Variants in ZNF521 observed in about 807,000 individuals in gnomAD.
ZNF521 encodes the protein LYST-interacting protein 3.
Under a neutral mutation model 105.5 loss-of-function variants are expected in ZNF521, and 14 were observed. That is an observed-to-expected ratio of 0.13 (90% CI 0.09 to 0.21). ZNF521 has a LOEUF of 0.21. Ranked by LOEUF, ZNF521 falls within the 10% of genes least tolerant of loss-of-function variation. The probability of loss-of-function intolerance (pLI) is 1.00; values close to 1 mark genes in which losing one functional copy is unlikely to be tolerated. For missense variants in ZNF521, 1,233 were observed against 1,629.7 expected (o/e 0.76, Z 4.19); for synonymous variants, 635 against 606.0 (o/e 1.05, Z -0.70).
intron 3 of ZNF521, among the ~76,000 whole-genome samples, chr18:25,262,826 T>C (rs535850564): frequency 5.5e-4 from 84 of 152,216 alleles, no homozygotes; most frequent in African/African-American, 2.0e-3. Context: ...CTGGGATGGT[T>C]TGAGCAGCTG....
At chr18:25,249,707 T>C (rs1907982121) in intron 3 of ZNF521, among the ~76,000 whole-genome samples, 1 of 151,508 alleles carries the variant, frequency 6.6e-6, no homozygotes, top group African/African-American at 2.4e-5. Flanking sequence ...AGTGATCTGC[T>C]CACCTCACAC....
At chr18:25,240,273 C>CA (rs1391392677) in intron 3 of ZNF521, among the ~76,000 whole-genome samples, 2 of 152,138 alleles carry the variant, frequency 1.3e-5, no homozygotes, top group Admixed American at 6.6e-5. Flanking sequence ...ACACTGACGT[C>CA]ACATGAGGCA....
chr18:25,116,871 GTA>G (rs55759335), intron 5 of ZNF521, among the ~76,000 whole-genome samples: 101,808 of 138,356 alleles, frequency 0.74, 38,285 homozygotes, highest in South Asian at 0.86. Context: ...ATATATATAC[GTA>G]TATATATATA....
intron 5 of ZNF521, among the ~76,000 whole-genome samples, chr18:25,145,134 C>T (rs4423505): frequency 0.65 from 98,207 of 152,018 alleles, 31,979 homozygotes; most frequent in Middle Eastern, 0.74. Flanking sequence ...TGAAGCTAAC[C>T]TTGACTTTTG....
At chr18:25,165,417 G>C (rs1050835987) in intron 5 of ZNF521, among the ~76,000 whole-genome samples, 4 of 152,180 alleles carry the variant, frequency 2.6e-5, no homozygotes, top group Non-Finnish European at 5.9e-5. Context: ...CACACTGTTT[G>C]CGCTGTTGGA....
intron 3 of ZNF521, among the ~76,000 whole-genome samples, chr18:25,249,621 C>T (rs1907972548): frequency 6.6e-6 from 1 of 152,042 alleles, no homozygotes; most frequent in Admixed American, 6.6e-5. Context: ...GCCACCATGC[C>T]CAGCTAATTT....
intron 2 of ZNF521, among the ~76,000 whole-genome samples, chr18:25,331,411 C>T (rs1050921391): frequency 1.3e-5 from 2 of 152,080 alleles, no homozygotes; most frequent in Non-Finnish European, 2.9e-5. Flanking sequence ...CTGAAAACTG[C>T]TTCTCAGACA....
intron 5 of ZNF521, among the ~76,000 whole-genome samples, chr18:25,116,914 T>TATATATACAC (rs1567968534): frequency 7.3e-6 from 1 of 137,136 alleles, no homozygotes; most frequent in Non-Finnish European, 1.5e-5. Flanking sequence ...TATATATACG[T>TATATATACAC]ATATCTATGT....
At chr18:25,096,842 C>G (rs563264032) in intron 5 of ZNF521, among the ~76,000 whole-genome samples, 2 of 152,300 alleles carry the variant, frequency 1.3e-5, no homozygotes, top group Non-Finnish European at 2.9e-5. Context: ...CCTGCTATAT[C>G]ACCATGTGGC....
chr18:25,214,800 G>C (rs908983064), intron 4 of ZNF521, among the ~76,000 whole-genome samples: 1 of 152,158 alleles, frequency 6.6e-6, no homozygotes, highest in African/African-American at 2.4e-5. Context: ...GACCAGCTGA[G>C]ATTTAATATA....
intron 3 of ZNF521, among the ~76,000 whole-genome samples, chr18:25,278,632 GTTGT>G (rs1352052097): frequency 4.6e-5 from 7 of 152,124 alleles, no homozygotes; most frequent in African/African-American, 1.4e-4. Context: ...CCTTGCTCAG[GTTGT>G]TTATCTTTCA....
intron 5 of ZNF521, among the ~76,000 whole-genome samples, chr18:25,117,271 G>A (rs11874275): frequency 0.5 from 75,360 of 151,404 alleles, 19,012 homozygotes; most frequent in South Asian, 0.65. Context: ...CATTTGAGCT[G>A]CGGTCCAAAT....
At chr18:25,350,017 G>C (rs1914654785) in intron 2 of ZNF521, among the ~76,000 whole-genome samples, 1 of 151,668 alleles carries the variant, frequency 6.6e-6, no homozygotes, top group Non-Finnish European at 1.5e-5. Flanking sequence ...AAGGAGGCTC[G>C]CGAAGGTGGA....
chr18:25,079,218 G>T (rs2033434991), intron 7 of ZNF521, among the ~76,000 whole-genome samples: 1 of 152,246 alleles, frequency 6.6e-6, no homozygotes, highest in African/African-American at 2.4e-5. Flanking sequence ...GACAGAGTGG[G>T]CAAGCAGTTC....
chr18:25,080,233 A>C (rs1241175149), intron 7 of ZNF521, among the ~76,000 whole-genome samples: 1 of 152,152 alleles, frequency 6.6e-6, no homozygotes, highest in African/African-American at 2.4e-5. Context: ...GAGACCTGTT[A>C]TTTTAGGCAG....
At position 25,190,255 on chromosome 18, in the gene ZNF521, T is replaced by C. The variant is rs182744164; in HGVS notation, c.3658+4905A>G. 3.3e-3 allele frequency among the ~76,000 whole-genome samples: 509 copies of C among 152,268 alleles called. 3 individuals are homozygous for C. Among genetic ancestry groups the C allele is most frequent in the African/African-American group, 0.012 (483 of 41,576 alleles). ...TTGTAAGCAATCAAATAAGGATTTT[T>C]TTTAAAAAAGGGTTCAGTCATCTTC... On this transcript the variant is annotated intron_variant, in intron 5 of 7. Coordinates refer to ENST00000361524, the MANE Select transcript of ZNF521 (RefSeq NM_015461.3).
At position 25,216,645 on chromosome 18, in the gene ZNF521, A is replaced by G. The variant is rs572354057; in HGVS notation, c.3573+7700T>C. 2.0e-5 allele frequency among the ~76,000 whole-genome samples: 3 copies of G among 152,258 alleles called. No individual in the cohort carries two copies. In the East Asian group the frequency reaches 5.8e-4, roughly 29 times the overall value. On this transcript the variant is annotated intron_variant, in intron 4 of 7. Transcript: ENST00000361524. ...GCTATCACTGCTCACTGCAGCCTTG[A>G]GCTCCTGGGCTCATGCAATCCTCCC...
At chr18:25,217,906 T>C (rs1391537642) in intron 4 of ZNF521, among the ~76,000 whole-genome samples, 1 of 152,162 alleles carries the variant, frequency 6.6e-6, no homozygotes, top group Non-Finnish European at 1.5e-5. Flanking sequence ...ATAGTTGATC[T>C]CCAAAGAAAG....
At chr18:25,091,110 T>C (rs1181989088) in intron 6 of ZNF521, among the ~76,000 whole-genome samples, 1 of 152,184 alleles carries the variant, frequency 6.6e-6, no homozygotes, top group African/African-American at 2.4e-5. Context: ...GCTTGGAATT[T>C]TGCTCTGCAA....
Sources: gnomAD v4.1 joint callset for allele counts (sites outside exome capture counted in the v4.1 genomes callset) on GRCh38, gnomAD v4.1.1 for gene constraint, MANE v1.5 for transcripts, NCBI Gene and HGNC (gene_info 2026-07-23, HGNC 2026-07-21) for gene names.